Variants in CALB2 observed in about 807,000 individuals in gnomAD.
The protein encoded by CALB2 is calbindin 2.
Under a neutral mutation model 45.9 loss-of-function variants are expected in CALB2, and 34 were observed. That is an observed-to-expected ratio of 0.74 (90% CI 0.56 to 0.99). The LOEUF (loss-of-function observed/expected upper bound fraction) is 0.99, where lower values mean the gene tolerates loss of function less well. CALB2 is among the 50% of genes least tolerant of loss of function. The probability of loss-of-function intolerance (pLI) is 0.00; values close to 1 mark genes in which losing one functional copy is unlikely to be tolerated. For synonymous variants in CALB2, 142 were observed against 129.6 expected, an observed-to-expected ratio of 1.10 and a Z score of -0.65; for missense variants, 344 against 339.3, an observed-to-expected ratio of 1.01 and a Z score of -0.11.
intron 2 of CALB2, among the ~76,000 whole-genome samples, chr16:71,373,972 T>C (rs1456576832): frequency 6.6e-6 from 1 of 152,196 alleles, no homozygotes; most frequent in Non-Finnish European, 1.5e-5. Context: ...ACACAATTCA[T>C]GTGGAAGTCA....
intron 1 of CALB2, among the ~76,000 whole-genome samples, chr16:71,370,591 G>C (rs1158267327): frequency 6.6e-6 from 1 of 152,110 alleles, no homozygotes; most frequent in Non-Finnish European, 1.5e-5. Flanking sequence ...CTGGGTGCCA[G>C]GTACCTGTAA....
At chr16:71,381,790 G>A (rs1054367830) in intron 4 of CALB2, among the ~76,000 whole-genome samples, 4 of 152,082 alleles carry the variant, frequency 2.6e-5, no homozygotes, top group Admixed American at 2.6e-4. Context: ...GAGGTAGGAG[G>A]ATCACTTGAA....
intron 2 of CALB2, 126 bp downstream of exon 2, chr16:71,372,355 G>A (rs2042362371): frequency 3.1e-6 from 2 of 637,060 alleles, no homozygotes; most frequent in African/African-American, 1.9e-5. Flanking sequence ...CATTTTATTT[G>A]TAAGGATAAA....
chr16:71,369,604 T>C (rs2042324231), intron 1 of CALB2, among the ~76,000 whole-genome samples: 1 of 152,162 alleles, frequency 6.6e-6, no homozygotes, highest in Non-Finnish European at 1.5e-5. Context: ...TACTCGCTCC[T>C]GTGTCCGCCC....
intron 5 of CALB2, 79 bp from the exon 6 acceptor site, chr16:71,383,284 ACTGT>A: frequency 5.8e-6 from 7 of 1,206,602 alleles, no homozygotes; most frequent in South Asian, 1.3e-5. Context: ...ACATTGAGAG[ACTGT>A]CTGAATGAGC....
intron 1 of CALB2, among the ~76,000 whole-genome samples, chr16:71,363,004 AC>A (rs567269352): frequency 8.0e-5 from 12 of 150,362 alleles, no homozygotes; most frequent in Non-Finnish European, 1.6e-4. Context: ...ATACAGTGAG[AC>A]CCCCCCTCCC....
At chr16:71,359,022 A>G in intron 1 of CALB2, 136 bp downstream of exon 1, 1 of 721,634 alleles carries the variant, frequency 1.4e-6, no homozygotes, top group South Asian at 1.8e-5. Context: ...CTGCTGGGGT[A>G]GTGGTCCCGG....
At chr16:71,377,618 CCT>C (rs1182803136) in intron 3 of CALB2, 47 bp from the exon 4 acceptor site, 5 of 1,347,630 alleles carry the variant, frequency 3.7e-6, no homozygotes, top group Non-Finnish European at 4.2e-6. Flanking sequence ...TGCTCTGCTC[CCT>C]GTCAAGTCCC....
chr16:71,374,719 A>T, intron 2 of CALB2, 26 bp from the exon 3 acceptor site: 1 of 1,528,622 alleles, frequency 6.5e-7, no homozygotes. Flanking sequence ...CAGCAGCAAA[A>T]ATCAGCCCCC....
chr16:71,386,774 T>C (rs1184077282), intron 10 of CALB2, among the ~76,000 whole-genome samples: 1 of 152,244 alleles, frequency 6.6e-6, no homozygotes, highest in Non-Finnish European at 1.5e-5. Flanking sequence ...TAATGCTCAA[T>C]TTCAGGAAAA....
chr16:71,382,269 A>G (rs2144994687), intron 4 of CALB2, among the ~76,000 whole-genome samples: 1 of 152,308 alleles, frequency 6.6e-6, no homozygotes. Context: ...TTTGCCCCAG[A>G]TGTGGGCAGT....
intron 7 of CALB2, 51 bp from the exon 8 acceptor site, chr16:71,384,288 T>G (rs751570999): frequency 6.7e-7 from 1 of 1,486,436 alleles, no homozygotes; most frequent in South Asian, 1.1e-5. Flanking sequence ...CTCTCCCGCT[T>G]GCCCTTGCCT....
At position 71,389,801 on chromosome 16, in the gene CALB2, C is replaced by G. The variant is rs1454371329; in HGVS notation, c.752C>G (p.Ala251Gly). 3.1e-6 allele frequency: 5 copies of G among 1,613,956 alleles called. No homozygotes were observed. Among genetic ancestry groups the G allele is most frequent in the African/African-American group, 2.7e-5 (2 of 74,924 alleles). Residue 251 changes from alanine (A) to glycine (G), a missense_variant, in exon 11 of 11, where the codon GCA (alanine) becomes GGA (glycine). Around this residue, in one of 3 missense-constraint regions of CALB2, gnomAD observed 263 missense variants for 241.7 expected, o/e 1.09. Transcript: ENST00000302628. Reference sequence around the variant, plus strand: ...TACAGAAAGAGCGTCATGTCCTTGGCAGAGGCAGGGAAGCTCTACCGCAAG... The same window carrying G: ...TACAGAAAGAGCGTCATGTCCTTGGGAGAGGCAGGGAAGCTCTACCGCAAG... ...TNYRKSVMSL[A>G]EAGKLYRKDL...
At chr16:71,366,020 C>CTTTTTTT (rs2042281945) in intron 1 of CALB2, among the ~76,000 whole-genome samples, 2 of 28,874 alleles carry the variant, frequency 6.9e-5, no homozygotes, top group Non-Finnish European at 1.5e-4. Context: ...TTCCCTCTCT[C>CTTTTTTT]TCTCTTTTTT....
chr16:71,363,567 C>G (rs967947031), intron 1 of CALB2, among the ~76,000 whole-genome samples: 7 of 152,210 alleles, frequency 4.6e-5, no homozygotes, highest in Non-Finnish European at 1.0e-4. Flanking sequence ...GCAGGCTCTT[C>G]CAGGGCACGG....
chr16:71,362,256 G>A (rs1245333923), intron 1 of CALB2, among the ~76,000 whole-genome samples: 2 of 152,162 alleles, frequency 1.3e-5, no homozygotes, highest in East Asian at 1.9e-4. Flanking sequence ...ACAGGCCACC[G>A]GGCTCCTATT....
chr16:71,376,637 AACC>A (rs1182644639), intron 3 of CALB2, among the ~76,000 whole-genome samples: 6 of 152,228 alleles, frequency 3.9e-5, no homozygotes, highest in East Asian at 1.9e-4. Flanking sequence ...ACCCACATGC[AACC>A]ACATGTGCCC....
chr16:71,361,497 C>T (rs1433635714), intron 1 of CALB2, among the ~76,000 whole-genome samples: 2 of 152,150 alleles, frequency 1.3e-5, no homozygotes, highest in African/African-American at 2.4e-5. Flanking sequence ...TCTAAGAGTA[C>T]CCCCTACCAC....
intron 10 of CALB2, among the ~76,000 whole-genome samples, chr16:71,387,545 G>A (rs2145006545): frequency 6.6e-6 from 1 of 152,146 alleles, no homozygotes; most frequent in South Asian, 2.1e-4. Flanking sequence ...TTTCTGAGCA[G>A]ATTAATGTTT....
Sources: gnomAD v4.1 joint callset for allele counts (sites outside exome capture counted in the v4.1 genomes callset) on GRCh38, gnomAD v4.1.1 for gene constraint, gnomAD v4.1.1 regional missense constraint, MANE v1.5 for transcripts, NCBI Gene and HGNC (gene_info 2026-07-23, HGNC 2026-07-21) for gene names.